Variants in PARP12 observed in about 807,000 individuals in gnomAD.
The protein encoded by PARP12 is poly(ADP-ribose) polymerase family member 12, also known as protein mono-ADP-ribosyltransferase PARP12.
PARP12 carries 59 observed loss-of-function variants against 72.4 expected under a neutral mutation model. The observed-to-expected ratio is 0.81, with a 90% CI of 0.66 to 1.01. PARP12 has a LOEUF of 1.01. Ranked by LOEUF, PARP12 falls within the 50% of genes least tolerant of loss-of-function variation. The pLI, the probability that PARP12 is intolerant of heterozygous loss-of-function variation, is 0.00. For synonymous variants in PARP12, 403 were observed against 371.4 expected (o/e 1.09, Z -0.98); for missense variants, 851 against 914.0 (o/e 0.93, Z 0.89).
intron 6 of PARP12, 72 bp from the exon 7 acceptor site, chr7:140,037,928 C>T (rs186498666): frequency 1.0e-4 from 159 of 1,555,138 alleles, no homozygotes; most frequent in Middle Eastern, 1.7e-4. Context: ...GTGGCACCCA[C>T]GCCACATTTC....
rs751888515 is a variant in PARP12, at chr7:140,041,659, C to T, written c.1167G>A (p.Gln389=). 22 of 1,613,888 alleles carry T rather than the reference C, an allele frequency of 1.4e-5. No individual in the cohort carries two copies. The highest frequency in any genetic ancestry group is 1.7e-4 in the Middle Eastern group (1 of 6,060). Residue 389 remains glutamine, a synonymous_variant, in exon 6 of 12, where the codon CAG becomes CAA. Coordinates refer to ENST00000263549, the MANE Select transcript of PARP12 (RefSeq NM_022750.4). ...TCACACTTACCTGTCTTCCATATTC[C>T]TGCCAAGAACCAAACTCATCACTCC... ...WYWSDEFGSW[Q]EYGRQGTVHP...
intron 8 of PARP12, chr7:140,033,694 C>A: frequency 1.0e-6 from 1 of 988,422 alleles, no homozygotes; most frequent in Non-Finnish European, 1.2e-6. Context: ...TTTCTCTCCT[C>A]CCTTCTAGGG....
At chr7:140,035,800 T>C (rs990770110) in intron 7 of PARP12, among the ~76,000 whole-genome samples, 4 of 151,260 alleles carry the variant, frequency 2.6e-5, no homozygotes, top group Non-Finnish European at 5.9e-5. Context: ...CCAATTCATC[T>C]CAAGCTTCTT....
chr7:140,038,128 CT>C, intron 6 of PARP12: 5 of 985,418 alleles, frequency 5.1e-6, no homozygotes, highest in Non-Finnish European at 6.0e-6. Flanking sequence ...GAGGAGGGCA[CT>C]CAAGTCACCT....
At chr7:140,057,832 T>C (rs1817250001) in intron 2 of PARP12, 67 bp downstream of exon 2, 1 of 1,591,078 alleles carries the variant, frequency 6.3e-7, no homozygotes, top group Admixed American at 1.7e-5. Flanking sequence ...CTCCCAGTCA[T>C]TACATTTCCC....
At chr7:140,041,924 G>A in intron 5 of PARP12, 85 bp from the exon 6 acceptor site, 1 of 1,152,220 alleles carries the variant, frequency 8.7e-7, no homozygotes, top group Non-Finnish European at 1.3e-6. Flanking sequence ...ATAGCTGGGA[G>A]ATGCGAATAG....
intron 5 of PARP12, among the ~76,000 whole-genome samples, chr7:140,043,460 T>G (rs1816580435): frequency 6.6e-6 from 1 of 152,182 alleles, no homozygotes; most frequent in Non-Finnish European, 1.5e-5. Context: ...CTTTTACTAT[T>G]CATTATTCTT....
chr7:140,058,811 G>A (rs1817307804), intron 1 of PARP12, among the ~76,000 whole-genome samples: 2 of 152,170 alleles, frequency 1.3e-5, no homozygotes, highest in African/African-American at 4.8e-5. Flanking sequence ...AAACCAGCAT[G>A]TAGGCTGGGT....
At chr7:140,059,199 G>A (rs1307008483) in intron 1 of PARP12, among the ~76,000 whole-genome samples, 1 of 152,176 alleles carries the variant, frequency 6.6e-6, no homozygotes, top group Non-Finnish European at 1.5e-5. Context: ...GCCTTGCAAG[G>A]TCTAAGGCCC....
intron 6 of PARP12, among the ~76,000 whole-genome samples, chr7:140,039,257 A>C (rs1020500234): frequency 6.6e-6 from 1 of 152,186 alleles, no homozygotes; most frequent in African/African-American, 2.4e-5. Flanking sequence ...AAAAGAAAAC[A>C]ATCCCTCCCC....
intron 3 of PARP12, among the ~76,000 whole-genome samples, chr7:140,056,333 A>G (rs1817175505): frequency 6.6e-6 from 1 of 152,248 alleles, no homozygotes; most frequent in African/African-American, 2.4e-5. Flanking sequence ...GCTGGAGATG[A>G]GCAGGGAACA....
At position 140,041,821 on chromosome 7, in the gene PARP12, T is replaced by G; in HGVS notation, c.1005A>C (p.Ser335=). 6.2e-7 allele frequency: 1 copy of G among 1,613,874 alleles called. No individual in the cohort carries two copies. Among genetic ancestry groups the G allele is most frequent in the South Asian group, 1.1e-5 (1 of 91,072 alleles). The part of the protein sequence containing the change: ...PKIERILCSE[S]ASTFHSHCLN... ...GACAATGAGAGTGAAAGGTACTGGC[T>G]GACTCAGAGCACAGGATCCTACAGA... The change falls in exon 6 of 12, where the codon TCA becomes TCC. Residue 335 remains serine, a synonymous_variant. Coordinates refer to ENST00000263549, the MANE Select transcript of PARP12 (RefSeq NM_022750.4).
chr7:140,039,939 G>A (rs897609109), intron 6 of PARP12, among the ~76,000 whole-genome samples: 1 of 152,184 alleles, frequency 6.6e-6, no homozygotes, highest in Non-Finnish European at 1.5e-5. Context: ...GCACAGGAAA[G>A]AAAGGGGCAC....
chr7:140,037,995 G>A, intron 6 of PARP12, 139 bp from the exon 7 acceptor site: 2 of 1,447,692 alleles, frequency 1.4e-6, no homozygotes, highest in Non-Finnish European at 1.8e-6. Context: ...AGGGAGCATG[G>A]TATGGCAGGA....
At chr7:140,057,426 CAT>C (rs1295707941) in intron 2 of PARP12, 3 of 499,980 alleles carry the variant, frequency 6.0e-6, no homozygotes, top group African/African-American at 3.9e-5. Flanking sequence ...GCTCCTTTCA[CAT>C]GAGACAATGC....
chr7:140,058,404 T>C (rs1046197942), intron 1 of PARP12, among the ~76,000 whole-genome samples: 1 of 151,180 alleles, frequency 6.6e-6, no homozygotes, highest in Non-Finnish European at 1.5e-5. Context: ...CCAGCTACTC[T>C]GGAGGCTGAG....
chr7:140,037,644 T>C, intron 7 of PARP12, 71 bp downstream of exon 7: 1 of 1,582,944 alleles, frequency 6.3e-7, no homozygotes, highest in Non-Finnish European at 8.6e-7. Flanking sequence ...ACACGGCTCC[T>C]CCAGGGTTAA....
At chr7:140,044,122 A>T (rs569342916) in intron 5 of PARP12, among the ~76,000 whole-genome samples, 14 of 152,334 alleles carry the variant, frequency 9.2e-5, no homozygotes, top group African/African-American at 3.4e-4. Flanking sequence ...TTAAATCCAC[A>T]CACAGATTTT....
At chr7:140,027,221 C>G in intron 10 of PARP12, 55 bp downstream of exon 10, 1 of 1,588,336 alleles carries the variant, frequency 6.3e-7, no homozygotes, top group Non-Finnish European at 8.6e-7. Context: ...TGGCAACCAG[C>G]CAGTGGTGTG....
Sources: gnomAD v4.1 joint callset for allele counts (sites outside exome capture counted in the v4.1 genomes callset) on GRCh38, gnomAD v4.1.1 for gene constraint, MANE v1.5 for transcripts, NCBI Gene and HGNC (gene_info 2026-07-23, HGNC 2026-07-21) for gene names.